URAD: variants seen among roughly 807,000 people sequenced by gnomAD.
URAD encodes ureidoimidazoline (2-oxo-4-hydroxy-4-carboxy-5-) decarboxylase.
In URAD, 4 loss-of-function variants were observed where a neutral mutation model predicts 4.6. The observed-to-expected ratio is 0.87, with a 90% CI of 0.43 to 1.98. The LOEUF is 1.98. Ranked by LOEUF, URAD falls within the 30% of genes most tolerant of loss-of-function variation. The pLI is 0.03. For synonymous variants in URAD, 144 were observed against 118.2 expected, an observed-to-expected ratio of 1.22 and a Z score of -1.41; for missense variants, 300 against 255.3, an observed-to-expected ratio of 1.18 and a Z score of -1.19.
intron 1 of URAD, 124 bp from the exon 2 acceptor site, chr13:27,978,576 G>A (rs1207156285): frequency 2.7e-6 from 2 of 737,734 alleles, no homozygotes; most frequent in African/African-American, 1.8e-5. Context: ...CGGCCCCAAA[G>A]AAGGCTGCGG....
intron 1 of URAD, among the ~76,000 whole-genome samples, chr13:27,979,747 C>T (rs1283229418): frequency 2.0e-5 from 3 of 152,164 alleles, no homozygotes; most frequent in Non-Finnish European, 4.4e-5. Context: ...AATTAAACCC[C>T]CTGTAAGGTA....
chr13:27,985,562 T>C (rs974154794), intron 1 of URAD, among the ~76,000 whole-genome samples: 6 of 152,250 alleles, frequency 3.9e-5, no homozygotes, highest in Non-Finnish European at 7.3e-5. Flanking sequence ...TCATTTTATT[T>C]GATTATTTAA....
rs767711107 is a variant in URAD, at chr13:27,978,114, T to A, written c.514A>T (p.Lys172Ter). 4.6e-6 allele frequency: 7 copies of A among 1,514,422 alleles called. No homozygotes were observed. Among genetic ancestry groups the A allele is most frequent in the Non-Finnish European group, 6.1e-6 (7 of 1,145,240 alleles). The allele number at this position is 1,514,422 out of a possible 1,614,324, so 93.8% of individuals were successfully genotyped here. ...CCTGGCCCGCGCGGCAGCTACAGCT[T>A]GGCGGGGTCTGCGCGGAGGAGGTCG... ...LADLLRADPA[K>*]L is the part of the protein sequence containing the mutation. The change falls in exon 2 of 2, where the codon AAG becomes TAG. Residue 172 changes from lysine to a stop codon, truncating the protein, a stop_gained. Coordinates refer to ENST00000332715, the MANE Select transcript of URAD (RefSeq NM_001105577.2). LOFTEE classifies it high-confidence loss of function.
At chr13:27,987,006 A>G (rs1360797463) in intron 1 of URAD, among the ~76,000 whole-genome samples, 1 of 152,182 alleles carries the variant, frequency 6.6e-6, no homozygotes, top group Non-Finnish European at 1.5e-5. Context: ...CATGGCCCCA[A>G]CATTCCTGTC....
At chr13:27,987,515 G>T (rs563379228) in intron 1 of URAD, among the ~76,000 whole-genome samples, 1 of 152,216 alleles carries the variant, frequency 6.6e-6, no homozygotes, top group Non-Finnish European at 1.5e-5. Flanking sequence ...GTCCAAACTG[G>T]CCCTTTGTGG....
chr13:27,981,008 T>TTCTC (rs900608486), intron 1 of URAD, among the ~76,000 whole-genome samples: 7 of 111,710 alleles, frequency 6.3e-5, no homozygotes, highest in Admixed American at 2.3e-4. Context: ...TTTCAGTCGC[T>TTCTC]TCTCTCTCTC....
In URAD at chr13:27,978,391, C is replaced by T. The variant is rs1427813297; in HGVS notation, c.237G>A (p.Thr79=). 12 of 1,400,242 alleles carry T rather than the reference C, an allele frequency of 8.6e-6. No individual in the cohort carries two copies. The highest frequency in any genetic ancestry group is 9.2e-6 in the Non-Finnish European group (10 of 1,082,742). The allele number at this position is 1,400,242 out of a possible 1,614,324, so 86.7% of individuals were successfully genotyped here. ...DLAGSELQRG[T]LTAESQREQS... is the part of the protein sequence containing the mutation. ...GTTCCCGCTGCGACTCGGCCGTGAG[C>T]GTGCCCCGCTGCAGCTCGCTGCCCG... Residue 79 remains threonine (T), a synonymous_variant, in exon 2 of 2, where the codon ACG becomes ACA. Transcript: ENST00000332715.
Position 27,977,803 on chromosome 13 carries a change from T to G in URAD, c.*303A>C. On this transcript the variant is annotated 3_prime_UTR_variant, in exon 2 of 2. Coordinates refer to ENST00000332715, the MANE Select transcript of URAD (RefSeq NM_001105577.2). ...GGTTGGGGAGAACTGGATAAACGCT[T>G]TGGAATCCACAAAGGCCGGTGGTGT... 2.6e-6 allele frequency: 1 copy of G among 379,416 alleles called. No individual in the cohort carries two copies. The highest frequency in any genetic ancestry group is 4.3e-5 in the East Asian group (1 of 23,172). 23.5% of individuals were successfully genotyped at this position (379,416 alleles called of 1,614,324 possible).
chr13:27,984,111 A>C (rs561116441), intron 1 of URAD, among the ~76,000 whole-genome samples: 60 of 152,240 alleles, frequency 3.9e-4, no homozygotes, highest in Non-Finnish European at 7.2e-4. Flanking sequence ...GCAGTGGTGC[A>C]ATCATGGCTC....
chr13:27,982,105 A>G (rs1447797134), intron 1 of URAD, among the ~76,000 whole-genome samples: 1 of 151,952 alleles, frequency 6.6e-6, no homozygotes, highest in Non-Finnish European at 1.5e-5. Context: ...TCTCCAGACC[A>G]TGTCACCTGG....
At chr13:27,988,166 C>T (rs1870090613) in intron 1 of URAD, among the ~76,000 whole-genome samples, 1 of 152,120 alleles carries the variant, frequency 6.6e-6, no homozygotes, top group Non-Finnish European at 1.5e-5. Context: ...ACCATGTTGG[C>T]CAGGATGGTC....
intron 1 of URAD, among the ~76,000 whole-genome samples, chr13:27,987,183 G>A (rs950341100): frequency 1.3e-5 from 2 of 152,180 alleles, no homozygotes; most frequent in Non-Finnish European, 2.9e-5. Context: ...GAAGAGAGCA[G>A]GGGCTCTCCT....
At chr13:27,981,270 G>T (rs1265562315) in intron 1 of URAD, among the ~76,000 whole-genome samples, 3 of 152,136 alleles carry the variant, frequency 2.0e-5, no homozygotes, top group Non-Finnish European at 4.4e-5. Flanking sequence ...CTATCCCTAA[G>T]CTGTGCCCAT....
chr13:27,978,233 G>C lies in URAD; in HGVS notation c.395C>G (p.Pro132Arg), dbSNP rs778399045. The change falls in exon 2 of 2, where the codon CCG becomes CGG. Residue 132 changes from proline (P) to arginine (R), a missense_variant. Coordinates refer to ENST00000332715, the MANE Select transcript of URAD (RefSeq NM_001105577.2). ...GAGCAGCCGGCGCGCCAGCTCGCGC[G>C]GCACCGCCGTCCGGTCGCTGAAGCG... ...AARFSDRTAV[P>R]RELARRLLCP... 11 of 1,464,818 alleles carry C rather than the reference G, an allele frequency of 7.5e-6. No individual in the cohort carries two copies. The highest frequency in any genetic ancestry group is 9.8e-6 in the Non-Finnish European group (11 of 1,117,880). 90.7% of individuals were successfully genotyped at this position (1,464,818 alleles called of 1,614,324 possible). A position where few individuals can be genotyped will look rare whatever the true frequency, so the allele number is the denominator to read the frequency against.
intron 1 of URAD, 94 bp downstream of exon 1, chr13:27,988,369 G>A: frequency 7.7e-7 from 1 of 1,296,810 alleles, no homozygotes; most frequent in Non-Finnish European, 1.0e-6. Flanking sequence ...TGGGATTACA[G>A]GTGTGAGCCA....
intron 1 of URAD, among the ~76,000 whole-genome samples, chr13:27,983,429 G>A (rs1345286183): frequency 2.0e-5 from 3 of 151,834 alleles, no homozygotes; most frequent in African/African-American, 4.8e-5. Flanking sequence ...GGGTTTCACC[G>A]TGTTGGCCAG....
At position 27,978,431 on chromosome 13, in the gene URAD, C is replaced by T; in HGVS notation, c.197G>A (p.Cys66Tyr). The T allele has an allele frequency of 2.2e-6, 3 of 1,368,184 alleles. No homozygotes were observed. Among genetic ancestry groups the T allele is most frequent in the Middle Eastern group, 2.6e-4 (1 of 3,914 alleles). The allele number at this position is 1,368,184 out of a possible 1,614,324, so 84.8% of individuals were successfully genotyped here. A position where few individuals can be genotyped will look rare whatever the true frequency, so the allele number is the denominator to read the frequency against. ...CTCGCTGCCCGCCAGGTCCGGGTGGCAGCGCAGGATGCCCTCCTGGCCTGC... is the reference window on the plus strand; with the variant it reads ...CTCGCTGCCCGCCAGGTCCGGGTGGTAGCGCAGGATGCCCTCCTGGCCTGC... ...AQSGQEGILRCHPDLAGSELQ... is the reference protein window; with the variant it reads ...AQSGQEGILRYHPDLAGSELQ... Residue 66 changes from cysteine to tyrosine, a missense_variant, in exon 2 of 2, where the codon TGC (cysteine) becomes TAC (tyrosine). Transcript: ENST00000332715.
chr13:27,985,940 C>T (rs1295649414), intron 1 of URAD, among the ~76,000 whole-genome samples: 2 of 152,176 alleles, frequency 1.3e-5, no homozygotes, highest in Non-Finnish European at 2.9e-5. Context: ...TACATTTTAG[C>T]TATTTGTTGT....
intron 1 of URAD, among the ~76,000 whole-genome samples, chr13:27,986,156 C>G (rs1008731823): frequency 1.3e-5 from 2 of 152,154 alleles, no homozygotes; most frequent in Admixed American, 1.3e-4. Context: ...CTCCCTCCAG[C>G]CATTTTGTCC....
Sources: gnomAD v4.1 joint callset for allele counts (sites outside exome capture counted in the v4.1 genomes callset) on GRCh38, gnomAD v4.1.1 for gene constraint, MANE v1.5 for transcripts, NCBI Gene and HGNC (gene_info 2026-07-23, HGNC 2026-07-21) for gene names.